Variants in SLAIN2 observed in about 807,000 individuals in gnomAD.
SLAIN2 encodes SLAIN motif-containing protein 2.
In SLAIN2, 31 loss-of-function variants were observed where a neutral mutation model predicts 56.6. The ratio of observed to expected loss-of-function variants is 0.55; its 90% CI spans 0.41 to 0.74. The LOEUF is 0.74. Among genes scored for constraint, SLAIN2 ranks in the 30% least tolerant of loss-of-function variants. SLAIN2 has a pLI of 0.00. For synonymous variants in SLAIN2, 317 were observed against 284.9 expected, an observed-to-expected ratio of 1.11 and a Z score of -1.13; for missense variants, 777 against 754.2, an observed-to-expected ratio of 1.03 and a Z score of -0.35.
At chr4:48,362,126 A>G (rs1466038644) in intron 1 of SLAIN2, among the ~76,000 whole-genome samples, 1 of 149,590 alleles carries the variant, frequency 6.7e-6, no homozygotes, top group African/African-American at 2.4e-5. Context: ...TTTCTTTTCA[A>G]TCAGGATGCC....
Position 48,341,549 on chromosome 4 carries a change from T to G in SLAIN2, c.-191T>G. 1.3e-6 allele frequency: 1 copy of G among 780,144 alleles called. No individual in the cohort carries two copies. 48.3% of individuals were successfully genotyped at this position (780,144 alleles called of 1,614,324 possible). A position where few individuals can be genotyped will look rare whatever the true frequency, so the allele number is the denominator to read the frequency against. The stretch of plus-strand genomic sequence containing the variant: ...CCCCCAATCCCGGAGCCGGCGCAGA[T>G]GAGGCAGTTCGGCTGGGGCCAGCGG... On this transcript the variant is annotated 5_prime_UTR_variant, in exon 1 of 8. An upstream start codon of the reference 5' UTR is lost. Coordinates refer to ENST00000264313, the MANE Select transcript of SLAIN2 (RefSeq NM_020846.2).
At chr4:48,379,950 A>G (rs1297906051) in intron 4 of SLAIN2, 102 bp downstream of exon 4, 8 of 1,089,568 alleles carry the variant, frequency 7.3e-6, no homozygotes, top group Non-Finnish European at 8.8e-6. Context: ...AATGTAGTGA[A>G]AGTAGAAATG....
Position 48,426,106 on chromosome 4 carries a change from G to A in SLAIN2, c.*4029G>A, listed in dbSNP as rs997736694. Reference sequence around the variant, plus strand: ...ATCCGGAAATATTGAAGTACTGTCCGTAACATGGTTATGACATGTTAAGTG... The same window carrying A: ...ATCCGGAAATATTGAAGTACTGTCCATAACATGGTTATGACATGTTAAGTG... On this transcript the variant is annotated 3_prime_UTR_variant, in exon 8 of 8. Transcript: ENST00000264313. 1 of 151,394 alleles carries A rather than the reference G, an allele frequency of 6.6e-6. No homozygotes were observed. The highest frequency in any genetic ancestry group is 2.4e-5 in the African/African-American group (1 of 41,274). The allele number at this position is 151,394 out of a possible 1,614,324, so 9.4% of individuals were successfully genotyped here.
At chr4:48,404,904 A>G (rs773262533) in intron 6 of SLAIN2, among the ~76,000 whole-genome samples, 6 of 152,238 alleles carry the variant, frequency 3.9e-5, no homozygotes, top group South Asian at 2.1e-4. Flanking sequence ...ATTTTTTCCA[A>G]TAGTATAACT....
Position 48,425,463 on chromosome 4 carries a change from A to T in SLAIN2, c.*3386A>T, listed in dbSNP as rs1404584244. On this transcript the variant is annotated 3_prime_UTR_variant, in exon 8 of 8. Transcript: ENST00000264313. ...ATCACGTGCATCTTTTCTTGTATGG[A>T]TGGAAAAATCAAGAATTGTACACTG... 1 of 152,146 alleles carries T rather than the reference A, an allele frequency of 6.6e-6. No individual in the cohort carries two copies. Among genetic ancestry groups the T allele is most frequent in the African/African-American group, 2.4e-5 (1 of 41,444 alleles). The allele number at this position is 152,146 out of a possible 1,614,324, so 9.4% of individuals were successfully genotyped here.
chr4:48,405,415 TTC>T (rs150048834), intron 6 of SLAIN2, among the ~76,000 whole-genome samples: 19 of 150,530 alleles, frequency 1.3e-4, no homozygotes, highest in Admixed American at 1.3e-4. Flanking sequence ...TCCATTTCTT[TTC>T]TCTCTCTCTC....
intron 2 of SLAIN2, among the ~76,000 whole-genome samples, 196 bp from the exon 3 acceptor site, chr4:48,377,700 G>A (rs575208311): frequency 6.6e-6 from 1 of 152,094 alleles, no homozygotes; most frequent in Admixed American, 6.5e-5. Flanking sequence ...TGTGGCTACT[G>A]TTTTATTTGC....
chr4:48,358,717 T>A (rs552646384), intron 1 of SLAIN2, among the ~76,000 whole-genome samples: 3 of 143,000 alleles, frequency 2.1e-5, no homozygotes, highest in African/African-American at 7.5e-5. Flanking sequence ...TGTATTTTTT[T>A]ATTTATTTTT....
chr4:48,392,900 A>T (rs115620730), intron 6 of SLAIN2, among the ~76,000 whole-genome samples: 2,148 of 148,836 alleles, frequency 0.014, 37 homozygotes, highest in African/African-American at 0.05. Flanking sequence ...TGCCTACTGG[A>T]TACATTATAC....
In SLAIN2 at chr4:48,392,798, A is replaced by T. The variant is rs6843652; in HGVS notation, c.1360+9014A>T. 5.3e-5 allele frequency among the ~76,000 whole-genome samples: 8 copies of T among 150,376 alleles called. No homozygotes were observed. In the East Asian group the frequency reaches 1.6e-3, roughly 29 times the overall value. ...AATTTTCTCTTTAGCAGCTATCACT[A>T]TCTGGCAGGCCATATATTTTACTGC... On this transcript the variant is annotated intron_variant, in intron 6 of 7. Coordinates refer to ENST00000264313, the MANE Select transcript of SLAIN2 (RefSeq NM_020846.2).
At chr4:48,391,408 C>CT (rs1176555738) in intron 6 of SLAIN2, among the ~76,000 whole-genome samples, 4 of 152,148 alleles carry the variant, frequency 2.6e-5, no homozygotes, top group Non-Finnish European at 4.4e-5. Flanking sequence ...TTACTTAAAG[C>CT]TTACATGTGT....
At chr4:48,345,477 G>A (rs1387006702) in intron 1 of SLAIN2, among the ~76,000 whole-genome samples, 1 of 151,968 alleles carries the variant, frequency 6.6e-6, no homozygotes, top group East Asian at 1.9e-4. Context: ...GATGGAGAGT[G>A]TGGTGGGTGT....
intron 7 of SLAIN2, among the ~76,000 whole-genome samples, chr4:48,420,703 A>G (rs1458203704): frequency 6.6e-6 from 1 of 152,198 alleles, no homozygotes; most frequent in Non-Finnish European, 1.5e-5. Flanking sequence ...TAGAAAAAAA[A>G]TTGTTAGAGC....
intron 1 of SLAIN2, among the ~76,000 whole-genome samples, chr4:48,362,764 T>A (rs1715367307): frequency 6.9e-6 from 1 of 144,150 alleles, no homozygotes; most frequent in Non-Finnish European, 1.5e-5. Context: ...TTTTTTTTTT[T>A]TTAAATTTAT....
In SLAIN2 at chr4:48,394,751, A is replaced by G. The variant is rs533902328; in HGVS notation, c.1360+10967A>G. The G allele has an allele frequency of 9.4e-4, 766 of 814,086 alleles. 2 individuals carry two copies. Among genetic ancestry groups the G allele is most frequent in the Non-Finnish European group, 9.7e-4 (512 of 526,674 alleles). The allele number at this position is 814,086 out of a possible 1,614,324, so 50.4% of individuals were successfully genotyped here. Reference sequence around the variant, plus strand: ...TGAGTCAGTGGTGTCTGTAAGGCACATTTTAGTCTTATTTTAAAGAATAAT... The same window carrying G: ...TGAGTCAGTGGTGTCTGTAAGGCACGTTTTAGTCTTATTTTAAAGAATAAT... On this transcript the variant is annotated intron_variant, in intron 6 of 7. Coordinates refer to ENST00000264313, the MANE Select transcript of SLAIN2 (RefSeq NM_020846.2).
intron 1 of SLAIN2, among the ~76,000 whole-genome samples, chr4:48,359,527 A>G (rs1715258816): frequency 6.6e-6 from 1 of 152,198 alleles, no homozygotes; most frequent in African/African-American, 2.4e-5. Flanking sequence ...TCTCCCCATT[A>G]TTTACTTATT....
At chr4:48,357,074 GATA>G (rs1242291995) in intron 1 of SLAIN2, among the ~76,000 whole-genome samples, 1 of 150,820 alleles carries the variant, frequency 6.6e-6, no homozygotes, top group East Asian at 1.9e-4. Flanking sequence ...TAGTATTATT[GATA>G]ATATTTTTAA....
chr4:48,374,648 G>T (rs1316694094), intron 2 of SLAIN2, among the ~76,000 whole-genome samples: 1 of 152,188 alleles, frequency 6.6e-6, no homozygotes, highest in Non-Finnish European at 1.5e-5. Flanking sequence ...TTTTGGAAAG[G>T]TTATTCTAGT....
Position 48,342,060 on chromosome 4 carries a change from C to G in SLAIN2, c.321C>G (p.Asp107Glu), listed in dbSNP as rs1300276183. 2 of 1,381,824 alleles carry G rather than the reference C, an allele frequency of 1.4e-6. 1 individual carries two copies. The highest frequency in any genetic ancestry group is 1.9e-6 in the Non-Finnish European group (2 of 1,075,780). The allele number at this position is 1,381,824 out of a possible 1,614,324, so 85.6% of individuals were successfully genotyped here. A position where few individuals can be genotyped will look rare whatever the true frequency, so the allele number is the denominator to read the frequency against. ...LLAAGEGGLL[D>E]EVEPLRPDEL... Reference sequence around the variant, plus strand: ...CGGCGGGCGAGGGCGGCTTGCTGGACGAGGTGGAGCCGCTGCGGCCCGACG... The same window carrying G: ...CGGCGGGCGAGGGCGGCTTGCTGGAGGAGGTGGAGCCGCTGCGGCCCGACG... Residue 107 changes from aspartate to glutamate, a missense_variant, in exon 1 of 8, where the codon GAC becomes GAG. Asp to Glu is a conservative substitution (Grantham distance 45). Transcript: ENST00000264313.
Sources: gnomAD v4.1 joint callset for allele counts (sites outside exome capture counted in the v4.1 genomes callset) on GRCh38, gnomAD v4.1.1 for gene constraint, MANE v1.5 for transcripts, NCBI Gene and HGNC (gene_info 2026-07-23, HGNC 2026-07-21) for gene names.